The following PLPPR5 variants were observed in gnomAD, a reference collection of about 807,000 sequenced individuals.
PLPPR5 encodes phospholipid phosphatase related 5, also known as phospholipid phosphatase-related protein type 5.
Under a neutral mutation model 33.9 loss-of-function variants are expected in PLPPR5, and 16 were observed. The observed-to-expected ratio is 0.47, with a 90% CI of 0.32 to 0.72. The LOEUF (loss-of-function observed/expected upper bound fraction) is 0.72. PLPPR5 is among the 30% of genes least tolerant of loss of function. PLPPR5 has a pLI of 0.03. For synonymous variants in PLPPR5, 163 were observed against 150.3 expected, an observed-to-expected ratio of 1.08 and a Z score of -0.62; for missense variants, 301 against 406.7, an observed-to-expected ratio of 0.74 and a Z score of 2.23.
intron 5 of PLPPR5, among the ~76,000 whole-genome samples, chr1:98,894,434 G>A (rs1358119402): frequency 6.6e-6 from 1 of 152,036 alleles, no homozygotes; most frequent in African/African-American, 2.4e-5. Context: ...TTTATTTCCA[G>A]TGGCCCCACG....
At chr1:98,992,950 T>C (rs563602916) in intron 1 of PLPPR5, among the ~76,000 whole-genome samples, 1 of 152,082 alleles carries the variant, frequency 6.6e-6, no homozygotes, top group Non-Finnish European at 1.5e-5. Context: ...GTCACTTCCT[T>C]TATGTGGGGT....
chr1:98,900,805 A>G lies in PLPPR5; in HGVS notation c.934-7701T>C, dbSNP rs536303717. Among the ~76,000 whole-genome samples the G allele has an allele frequency of 7.9e-5, 12 of 152,244 alleles. No homozygotes were observed. In the East Asian group the frequency reaches 2.3e-3, roughly 29 times the overall value. On this transcript the variant is annotated intron_variant, in intron 5 of 5. Coordinates refer to ENST00000263177, the MANE Select transcript of PLPPR5 (RefSeq NM_001037317.2). ...GTTGATTAAAACTCCTCATTTAAAA[A>G]CTTGCTTATTTTCACAAAGAGGCAC... is the stretch of plus-strand genomic sequence containing the variant.
chr1:98,994,331 C>T (rs537439668), intron 1 of PLPPR5, among the ~76,000 whole-genome samples: 1 of 152,158 alleles, frequency 6.6e-6, no homozygotes, highest in South Asian at 2.1e-4. Context: ...TCTTTCCACA[C>T]TGTTTCAATT....
intron 3 of PLPPR5, among the ~76,000 whole-genome samples, chr1:98,924,151 T>G (rs1649668936): frequency 6.6e-6 from 1 of 152,238 alleles, no homozygotes; most frequent in South Asian, 2.1e-4. Context: ...AATGAGTGAT[T>G]GCTCTTCACG....
intron 3 of PLPPR5, among the ~76,000 whole-genome samples, chr1:98,933,197 A>ATTTT (rs1557674461): frequency 5.1e-4 from 78 of 151,606 alleles, no homozygotes; most frequent in African/African-American, 1.5e-3. Flanking sequence ...GCTTTTTAAA[A>ATTTT]AAAAAAAAAA....
At chr1:98,919,269 C>A (rs1458405555) in intron 4 of PLPPR5, among the ~76,000 whole-genome samples, 1 of 152,074 alleles carries the variant, frequency 6.6e-6, no homozygotes, top group Non-Finnish European at 1.5e-5. Context: ...TTAACCTGGC[C>A]TAAATGAATC....
chr1:98,987,182 CAAGTT>C (rs534668977), intron 1 of PLPPR5, among the ~76,000 whole-genome samples: 36 of 151,924 alleles, frequency 2.4e-4, no homozygotes, highest in African/African-American at 7.7e-4. Context: ...TTCCTGATCT[CAAGTT>C]AACTTTGGGA....
At chr1:98,951,881 G>A (rs1413636896) in intron 3 of PLPPR5, among the ~76,000 whole-genome samples, 3 of 152,132 alleles carry the variant, frequency 2.0e-5, no homozygotes, top group Non-Finnish European at 4.4e-5. Context: ...AATTGGTCCT[G>A]AGATTTTACA....
At chr1:98,924,170 C>G (rs1438024197) in intron 3 of PLPPR5, among the ~76,000 whole-genome samples, 3 of 152,126 alleles carry the variant, frequency 2.0e-5, no homozygotes, top group Non-Finnish European at 4.4e-5. Context: ...CGGCAATGTT[C>G]TAAGCATTTT....
intron 1 of PLPPR5, among the ~76,000 whole-genome samples, chr1:99,003,807 G>A (rs927191597): frequency 1.3e-5 from 2 of 152,228 alleles, no homozygotes; most frequent in Non-Finnish European, 2.9e-5. Context: ...TCTTGTAATT[G>A]AGGTACAGCT....
At chr1:98,992,966 G>A (rs894098282) in intron 1 of PLPPR5, among the ~76,000 whole-genome samples, 1 of 152,062 alleles carries the variant, frequency 6.6e-6, no homozygotes, top group Non-Finnish European at 1.5e-5. Context: ...GGGGTCATAG[G>A]TTAGCCACTT....
chr1:98,907,276 G>C (rs1648941584), intron 5 of PLPPR5, among the ~76,000 whole-genome samples: 2 of 141,406 alleles, frequency 1.4e-5, no homozygotes, highest in East Asian at 4.1e-4. Context: ...ATCTTGGCTT[G>C]CTGCAACCTC....
At chr1:98,948,027 C>T (rs1279183516) in intron 3 of PLPPR5, among the ~76,000 whole-genome samples, 3 of 152,148 alleles carry the variant, frequency 2.0e-5, no homozygotes, top group African/African-American at 7.2e-5. Context: ...AAAAGAAGTA[C>T]ATGATGGCAG....
At chr1:98,995,714 A>G (rs993163272) in intron 1 of PLPPR5, among the ~76,000 whole-genome samples, 2 of 152,104 alleles carry the variant, frequency 1.3e-5, no homozygotes, top group Non-Finnish European at 2.9e-5. Flanking sequence ...TGAACTAAAA[A>G]CTTCTCAAGG....
intron 4 of PLPPR5, among the ~76,000 whole-genome samples, chr1:98,918,773 C>G (rs1369215134): frequency 1.3e-5 from 2 of 152,184 alleles, no homozygotes; most frequent in Non-Finnish European, 2.9e-5. Context: ...CTGCACTAGG[C>G]TTCACTTCTT....
rs1652923483 is a variant in PLPPR5 at position 99,003,061 on chromosome 1, ATATATAT to A, written c.237+1367_237+1373del. Among the ~76,000 whole-genome samples, 3 of 68,204 alleles carry A rather than the reference ATATATAT, an allele frequency of 4.4e-5. No individual in the cohort carries two copies. The South Asian group carries it at 1.3e-3, about 29-fold the overall frequency. The allele number at this position is 68,204 out of a possible 152,430, so 44.7% of individuals were successfully genotyped here. A position where few individuals can be genotyped will look rare whatever the true frequency, so the allele number is the denominator to read the frequency against. On this transcript the variant is annotated intron_variant, in intron 1 of 5. Coordinates refer to ENST00000263177, the MANE Select transcript of PLPPR5 (RefSeq NM_001037317.2). Reference sequence around the variant, plus strand: ...CATTTTAGCAACTTATTTTACATATATATATATATATATATATATATATATATATATA... The same window carrying A: ...CATTTTAGCAACTTATTTTACATATAATATATATATATATATATATATATA...
chr1:99,003,692 A>C (rs957441152), intron 1 of PLPPR5, among the ~76,000 whole-genome samples: 1 of 152,184 alleles, frequency 6.6e-6, no homozygotes, highest in Non-Finnish European at 1.5e-5. Context: ...TCTCTCACAC[A>C]CACATACACT....
intron 3 of PLPPR5, among the ~76,000 whole-genome samples, chr1:98,944,627 A>G (rs1413463803): frequency 1.3e-5 from 2 of 152,224 alleles, no homozygotes; most frequent in Admixed American, 6.5e-5. Flanking sequence ...TATATGCTAT[A>G]CCCAGTTTGT....
chr1:98,920,251 TAAAC>T (rs1374659635), intron 4 of PLPPR5, among the ~76,000 whole-genome samples: 9 of 152,118 alleles, frequency 5.9e-5, no homozygotes, highest in Non-Finnish European at 1.3e-4. Flanking sequence ...TAGCGACAGA[TAAAC>T]AAGAAGGCTG....
Sources: gnomAD v4.1 joint callset for allele counts (sites outside exome capture counted in the v4.1 genomes callset) on GRCh38, gnomAD v4.1.1 for gene constraint, MANE v1.5 for transcripts, NCBI Gene and HGNC (gene_info 2026-07-23, HGNC 2026-07-21) for gene names.